Variants in SATB2 observed in about 807,000 individuals in gnomAD.
SATB2 encodes DNA-binding protein SATB2.
SATB2 carries 1 observed loss-of-function variant against 73.4 expected under a neutral mutation model. The ratio of observed to expected loss-of-function variants is 0.01; its 90% CI spans 0.00 to 0.06. SATB2 has a LOEUF of 0.06. SATB2 is among the 10% of genes least tolerant of loss of function. The pLI is 1.00. For synonymous variants in SATB2, 397 were observed against 367.0 expected, an observed-to-expected ratio of 1.08 and a Z score of -0.93; for missense variants, 459 against 945.8, an observed-to-expected ratio of 0.49 and a Z score of 6.75.
chr2:199,327,345 G>A (rs537750571), intron 8 of SATB2, among the ~76,000 whole-genome samples: 1 of 152,284 alleles, frequency 6.6e-6, no homozygotes, highest in African/African-American at 2.4e-5. Context: ...GGAGGCCGAG[G>A]CAGGAGAATC....
intron 7 of SATB2, chr2:199,347,417 T>C (rs1688686072): frequency 6.6e-6 from 1 of 152,178 alleles, no homozygotes; most frequent in African/African-American, 2.4e-5. Flanking sequence ...TCAACATCTT[T>C]CCTATGAATG....
upstream of SATB2, among the ~76,000 whole-genome samples, chr2:199,462,196 G>C (rs1427181448): frequency 1.3e-5 from 2 of 152,246 alleles, no homozygotes; most frequent in Non-Finnish European, 2.9e-5. The surrounding 1 kb of genome is among the most constrained non-coding windows in gnomAD (Gnocchi z 5.9). Context: ...CGCGTCAAAA[G>C]CTTTCGACGG....
In SATB2 at chr2:199,380,422, T is replaced by A; in HGVS notation, c.539A>T (p.Lys180Met). 1 of 1,613,960 alleles carries A rather than the reference T, an allele frequency of 6.2e-7. No individual in the cohort carries two copies. Among genetic ancestry groups the A allele is most frequent in the South Asian group, 1.1e-5 (1 of 91,074 alleles). ...CTGGTTCATCTCTTTGAGCAGTTCCTTTAAGGCATTGCGGACTGTGGCATG... is the reference window on the plus strand; with the variant it reads ...CTGGTTCATCTCTTTGAGCAGTTCCATTAAGGCATTGCGGACTGTGGCATG... ...WNHATVRNAL[K>M]ELLKEMNQST... The change falls in exon 5 of 11, where the codon AAG becomes ATG. Residue 180 changes from lysine to methionine, a missense_variant. Physicochemically the swap from Lys to Met is moderately conservative, Grantham distance 95. This residue lies in a region of SATB2 where 56 missense variants were observed against 183.7 expected (regional missense o/e 0.30). Coordinates refer to ENST00000417098, the MANE Select transcript of SATB2 (RefSeq NM_001172509.2).
chr2:199,277,841 A>T (rs1398299385), intron 10 of SATB2, among the ~76,000 whole-genome samples: 1 of 152,174 alleles, frequency 6.6e-6, no homozygotes, highest in East Asian at 1.9e-4. Context: ...CCCCCACTTT[A>T]TGATGGGAAA....
At chr2:199,378,998 G>A (rs2105863766) in intron 5 of SATB2, among the ~76,000 whole-genome samples, 1 of 152,238 alleles carries the variant, frequency 6.6e-6, no homozygotes, top group African/African-American at 2.4e-5. Context: ...GCAAATTTCT[G>A]TAATAGGTTT....
At position 199,397,615 on chromosome 2, in the gene SATB2, G is replaced by A. The variant is rs190913978; in HGVS notation, c.347-15795C>T. On this transcript the variant is annotated intron_variant, in intron 3 of 10. Coordinates refer to ENST00000417098, the MANE Select transcript of SATB2 (RefSeq NM_001172509.2). The stretch of plus-strand genomic sequence containing the variant: ...AAAGATATATGAAAGATGGCTGGGC[G>A]CGATGGCTCACGCCTGTAATCCCAG... The A allele has an allele frequency of 9.1e-4, 164 of 180,570 alleles. 3 individuals are homozygous for A. The highest frequency in any genetic ancestry group is 8.2e-4 in the Non-Finnish European group (69 of 83,718). The allele number at this position is 180,570 out of a possible 1,614,324, so 11.2% of individuals were successfully genotyped here.
At chr2:199,279,672 G>A (rs542307614) in intron 10 of SATB2, among the ~76,000 whole-genome samples, 3 of 152,310 alleles carry the variant, frequency 2.0e-5, no homozygotes, top group Admixed American at 6.5e-5. Flanking sequence ...GTCCTGTAGG[G>A]TAAGGTATAT....
chr2:199,290,679 CA>C (rs1692830957), intron 10 of SATB2, among the ~76,000 whole-genome samples: 1 of 151,940 alleles, frequency 6.6e-6, no homozygotes, highest in Non-Finnish European at 1.5e-5. Context: ...CTTTAATTCC[CA>C]AAAAAATCTG....
At chr2:199,400,584 A>T (rs1229809244) in intron 3 of SATB2, among the ~76,000 whole-genome samples, 1 of 152,224 alleles carries the variant, frequency 6.6e-6, no homozygotes, top group African/African-American at 2.4e-5. Context: ...TGCTATTTGC[A>T]CTTACGTAAT....
intron 8 of SATB2, among the ~76,000 whole-genome samples, chr2:199,324,239 C>T (rs1687971986): frequency 6.6e-6 from 1 of 152,078 alleles, no homozygotes; most frequent in African/African-American, 2.4e-5. Flanking sequence ...TATAAGCAAC[C>T]ATCTAACTAC....
chr2:199,293,261 T>C (rs1333086147), intron 10 of SATB2, among the ~76,000 whole-genome samples: 5 of 152,082 alleles, frequency 3.3e-5, no homozygotes, highest in Non-Finnish European at 7.4e-5. Context: ...CTGTTTTCTT[T>C]TTTTCTAGTG....
At chr2:199,432,629 A>AT (rs970861597) in intron 3 of SATB2, among the ~76,000 whole-genome samples, 3,076 of 148,550 alleles carry the variant, frequency 0.021, 103 homozygotes, top group African/African-American at 0.066. Flanking sequence ...CATCAGATCA[A>AT]TTTTTTTTTT....
intron 10 of SATB2, among the ~76,000 whole-genome samples, chr2:199,296,599 G>A (rs1687107216): frequency 6.6e-6 from 1 of 152,164 alleles, no homozygotes; most frequent in African/African-American, 2.4e-5. Context: ...GGCTGAGGTA[G>A]AAGAAGAGAG....
chr2:199,356,225 CA>C (rs200509001), intron 6 of SATB2, among the ~76,000 whole-genome samples: 2,499 of 100,716 alleles, frequency 0.025, 22 homozygotes, highest in African/African-American at 0.077. Flanking sequence ...GAACATAAGC[CA>C]AAAAAAAAAA....
At chr2:199,441,111 C>A (rs919806582) in intron 2 of SATB2, among the ~76,000 whole-genome samples, 10 of 151,956 alleles carry the variant, frequency 6.6e-5, no homozygotes, top group African/African-American at 2.4e-4. Context: ...CCTCCCAAAG[C>A]GCTGGGATTA....
At chr2:199,358,812 G>A (rs1445352205) in intron 6 of SATB2, among the ~76,000 whole-genome samples, 1 of 151,986 alleles carries the variant, frequency 6.6e-6, no homozygotes, top group Non-Finnish European at 1.5e-5. Flanking sequence ...AAAGCTCCTA[G>A]GACCCATTAT....
At chr2:199,277,631 C>T (rs186496207) in intron 10 of SATB2, among the ~76,000 whole-genome samples, 27 of 152,176 alleles carry the variant, frequency 1.8e-4, no homozygotes, top group Admixed American at 1.6e-3. Context: ...TTTTTCATAG[C>T]TTCTGCTGTT....
At chr2:199,317,669 A>C (rs1316345538) in intron 9 of SATB2, among the ~76,000 whole-genome samples, 5 of 152,048 alleles carry the variant, frequency 3.3e-5, no homozygotes, top group Admixed American at 3.3e-4. Flanking sequence ...AACATAATTA[A>C]TTGTGAGGGT....
intron 3 of SATB2, among the ~76,000 whole-genome samples, chr2:199,399,705 G>T (rs1393306476): frequency 6.6e-6 from 1 of 152,172 alleles, no homozygotes; most frequent in Non-Finnish European, 1.5e-5. Flanking sequence ...CAGCTCACAT[G>T]ATGGGAGCAG....
Sources: gnomAD v4.1 joint callset for allele counts (sites outside exome capture counted in the v4.1 genomes callset) on GRCh38, gnomAD v4.1.1 for gene constraint, gnomAD v4.1.1 regional missense constraint, Gnocchi (gnomAD v3.1) non-coding constraint, MANE v1.5 for transcripts, NCBI Gene and HGNC (gene_info 2026-07-23, HGNC 2026-07-21) for gene names.